The following C6orf132 variants were observed in gnomAD, a reference collection of about 807,000 sequenced individuals.
C6orf132 encodes chromosome 6 open reading frame 132.
Under a neutral mutation model 65.3 loss-of-function variants are expected in C6orf132, and 43 were observed. The ratio of observed to expected loss-of-function variants is 0.66; its 90% CI spans 0.52 to 0.85. C6orf132 has a LOEUF of 0.85. C6orf132 is among the 40% of genes least tolerant of loss of function. C6orf132 has a pLI of 0.00. For synonymous variants in C6orf132, 631 were observed against 654.1 expected (o/e 0.96, Z 0.54); for missense variants, 1,488 against 1,548.8 (o/e 0.96, Z 0.66).
Position 42,110,199 on chromosome 6 carries a change from GC to G in C6orf132, c.328+16del. 1 of 1,543,382 alleles carries G rather than the reference GC, an allele frequency of 6.5e-7. No individual in the cohort carries two copies. Among genetic ancestry groups the G allele is most frequent in the South Asian group, 1.2e-5 (1 of 83,070 alleles). ...GGAAAGAAAGATGGACAAGCCCCAA[GC>G]CCAGGGTTCACTTACCTGTCACTTC... On this transcript the variant is annotated intron_variant, in intron 3 of 4. Coordinates refer to ENST00000341865, the MANE Select transcript of C6orf132 (RefSeq NM_001164446.3).
Position 42,104,618 on chromosome 6 carries a change from G to A in C6orf132, c.3294C>T (p.Gly1098=). ...CCGAGTTCACGCGCCGCATCTCGGG[G>A]CCTCCGGGCTGCGGCCCGAAGCAGT... ...SPNCFGPQPG[G]PEMRRVNSAG... The change falls in exon 4 of 5, where the codon GGC becomes GGT. Residue 1098 remains glycine, a synonymous_variant. Transcript: ENST00000341865. The surrounding 1 kb of genome is among the most constrained non-coding windows in gnomAD (Gnocchi z 4.1). 1 of 1,370,854 alleles carries A rather than the reference G, an allele frequency of 7.3e-7. No individual in the cohort carries two copies. 84.9% of individuals were successfully genotyped at this position (1,370,854 alleles called of 1,614,324 possible).
intron 2 of C6orf132, among the ~76,000 whole-genome samples, chr6:42,119,345 T>TTG (rs1404242267): frequency 5.2e-5 from 7 of 134,030 alleles, no homozygotes; most frequent in Non-Finnish European, 1.1e-4. Flanking sequence ...TTCCAGCTTT[T>TTG]TTTTTTTTTT....
intron 1 of C6orf132, 151 bp downstream of exon 1, chr6:42,142,149 G>T: frequency 1.2e-6 from 1 of 828,342 alleles, no homozygotes; most frequent in Non-Finnish European, 1.8e-6. Flanking sequence ...ACCCCTGTGC[G>T]GTGCCTCCTC....
At chr6:42,140,066 G>A (rs1172423001) in intron 1 of C6orf132, among the ~76,000 whole-genome samples, 2 of 152,218 alleles carry the variant, frequency 1.3e-5, no homozygotes, top group Non-Finnish European at 2.9e-5. Context: ...CACGCCCAGT[G>A]GCACCCCAGG....
Position 42,103,854 on chromosome 6 carries a change from A to C in C6orf132, c.3474T>G (p.Tyr1158Ter), listed in dbSNP as rs191985168. The change falls in exon 5 of 5, where the codon TAT (tyrosine) becomes TAG (stop). Residue 1158 changes from tyrosine (Y) to a stop codon, truncating the protein, a stop_gained. Coordinates refer to ENST00000341865, the MANE Select transcript of C6orf132 (RefSeq NM_001164446.3). LOFTEE classifies it high-confidence loss of function. ...CGGTGAACGTGTTGATGGGGCTTCCATAGCGGGTGGTGGTGTAGGGAGACC... is the reference window on the plus strand; with the variant it reads ...CGGTGAACGTGTTGATGGGGCTTCCCTAGCGGGTGGTGGTGTAGGGAGACC... ...AGRSPYTTTR[Y>*]GSPINTFTVR... is the part of the protein sequence containing the mutation. 24 of 1,486,936 alleles carry C rather than the reference A, an allele frequency of 1.6e-5. No individual in the cohort carries two copies. In the Admixed American group the frequency reaches 4.7e-4, roughly 29 times the overall value. The allele number at this position is 1,486,936 out of a possible 1,614,324, so 92.1% of individuals were successfully genotyped here. A position where few individuals can be genotyped will look rare whatever the true frequency, so the allele number is the denominator to read the frequency against.
chr6:42,104,752 A>G lies in C6orf132; in HGVS notation c.3160T>C (p.Phe1054Leu). 6.6e-7 allele frequency: 1 copy of G among 1,524,082 alleles called. No individual in the cohort carries two copies. The highest frequency in any genetic ancestry group is 2.5e-5 in the East Asian group (1 of 40,262). 94.4% of individuals were successfully genotyped at this position (1,524,082 alleles called of 1,614,324 possible). A position where few individuals can be genotyped will look rare whatever the true frequency, so the allele number is the denominator to read the frequency against. The part of the protein sequence containing the change: ...RYAGAGGLER[F>L]SGGGRSLIKK... ...ATGAGCGAGCGGCCCCCTCCCGAGA[A>G]GCGCTCCAGGCCCCCAGCCCCGGCG... Residue 1054 changes from phenylalanine (F) to leucine (L), a missense_variant, in exon 4 of 5, where the codon TTC becomes CTC. Coordinates refer to ENST00000341865, the MANE Select transcript of C6orf132 (RefSeq NM_001164446.3). This position sits in a 1 kb window ranked among gnomAD's most constrained non-coding sequence, Gnocchi z 4.1.
At chr6:42,141,949 T>C (rs978083985) in intron 1 of C6orf132, among the ~76,000 whole-genome samples, 48 of 152,044 alleles carry the variant, frequency 3.2e-4, no homozygotes, top group Admixed American at 1.2e-3. Flanking sequence ...GGGGGAGATA[T>C]CGCAAACCTC....
chr6:42,122,300 G>A (rs960606001), intron 2 of C6orf132, among the ~76,000 whole-genome samples: 1 of 152,188 alleles, frequency 6.6e-6, no homozygotes, highest in African/African-American at 2.4e-5. Context: ...AAGGGGACAT[G>A]CCCTCAGAGG....
In C6orf132 at chr6:42,128,630, G is replaced by T. The variant is rs144688604; in HGVS notation, c.252+42C>A. 6.2e-4 allele frequency: 922 copies of T among 1,485,074 alleles called. 12 individuals are homozygous for T. In the East Asian group the frequency reaches 0.019, roughly 31 times the overall value. The allele number at this position is 1,485,074 out of a possible 1,614,324, so 92.0% of individuals were successfully genotyped here. On this transcript the variant is annotated intron_variant, in intron 2 of 4. Transcript: ENST00000341865. ...GGCTAGGGCAGCCTTGGTGTCCCCA[G>T]CCAGAGCAGACTCTCCAACCTCAGA...
At chr6:42,127,434 C>G (rs990746248) in intron 2 of C6orf132, among the ~76,000 whole-genome samples, 1 of 152,068 alleles carries the variant, frequency 6.6e-6, no homozygotes, top group African/African-American at 2.4e-5. Context: ...CATCTAGAAT[C>G]TTAGGTCTGA....
chr6:42,107,151 C>T lies in C6orf132; in HGVS notation c.761G>A (p.Gly254Asp), dbSNP rs1401352211. The T allele has an allele frequency of 2.1e-6, 3 of 1,432,702 alleles. No individual in the cohort carries two copies. The highest frequency in any genetic ancestry group is 2.7e-6 in the Non-Finnish European group (3 of 1,096,524). The allele number at this position is 1,432,702 out of a possible 1,614,324, so 88.7% of individuals were successfully genotyped here. Reference sequence around the variant, plus strand: ...TACATCTGATTTCCACTTGGTGACACCCCCAGGGGGAAAGAGACGAGTCCC... The same window carrying T: ...TACATCTGATTTCCACTTGGTGACATCCCCAGGGGGAAAGAGACGAGTCCC... Reference protein sequence around the residue: ...TVGTRLFPPGGVTKWKSDVAL... With the variant: ...TVGTRLFPPGDVTKWKSDVAL... Residue 254 changes from glycine (G) to aspartate (D), a missense_variant, in exon 4 of 5, where the codon GGT (glycine) becomes GAT (aspartate). Gly to Asp is a moderately conservative substitution (Grantham distance 94). Coordinates refer to ENST00000341865, the MANE Select transcript of C6orf132 (RefSeq NM_001164446.3).
chr6:42,113,045 A>G (rs1766516904), intron 2 of C6orf132, among the ~76,000 whole-genome samples: 1 of 151,982 alleles, frequency 6.6e-6, no homozygotes, highest in Admixed American at 6.6e-5. Flanking sequence ...AACTTTTCTC[A>G]AACCCAGTGA....
intron 2 of C6orf132, among the ~76,000 whole-genome samples, chr6:42,119,154 AATCGCT>A (rs1766636353): frequency 1.4e-5 from 2 of 145,682 alleles, no homozygotes; most frequent in African/African-American, 5.0e-5. Flanking sequence ...GAGGCAGGAG[AATCGCT>A]ATCACTTGAA....
At chr6:42,126,309 G>A (rs1766763774) in intron 2 of C6orf132, 1 of 151,310 alleles carries the variant, frequency 6.6e-6, no homozygotes, top group Non-Finnish European at 1.5e-5. Flanking sequence ...TTGAACTCCT[G>A]ACCTCATGAT....
intron 1 of C6orf132, among the ~76,000 whole-genome samples, chr6:42,137,842 CGGG>C (rs1766969620): frequency 1.3e-4 from 4 of 30,898 alleles, no homozygotes; most frequent in Non-Finnish European, 2.7e-4. Context: ...CGGGGCGGGG[CGGG>C]GGAGGTGGAT....
intron 3 of C6orf132, among the ~76,000 whole-genome samples, chr6:42,109,644 G>A (rs1355661727): frequency 6.6e-6 from 1 of 152,110 alleles, no homozygotes; most frequent in Non-Finnish European, 1.5e-5. Context: ...CCGGGGCAGT[G>A]TGGGAGGGGA....
chr6:42,109,430 C>CAAATAAATAAATAAATAAATAAAT (rs369701799), intron 3 of C6orf132, among the ~76,000 whole-genome samples: 35 of 151,158 alleles, frequency 2.3e-4, no homozygotes, highest in African/African-American at 8.0e-4. Flanking sequence ...GACTCCATCT[C>CAAATAAATAAATAAATAAATAAAT]AAATAAATAA....
chr6:42,120,579 A>G (rs1766665475), intron 2 of C6orf132, among the ~76,000 whole-genome samples: 1 of 106,910 alleles, frequency 9.4e-6, no homozygotes, highest in African/African-American at 3.5e-5. Context: ...TGTTTCCTTT[A>G]TAATTAAAAA....
chr6:42,115,654 A>T (rs573410337), intron 2 of C6orf132, among the ~76,000 whole-genome samples: 196 of 152,320 alleles, frequency 1.3e-3, no homozygotes, highest in African/African-American at 4.3e-3. Context: ...TCAAAAAAAT[A>T]AAATAAATAA....
Sources: gnomAD v4.1 joint callset for allele counts (sites outside exome capture counted in the v4.1 genomes callset) on GRCh38, gnomAD v4.1.1 for gene constraint, Gnocchi (gnomAD v3.1) non-coding constraint, MANE v1.5 for transcripts, NCBI Gene and HGNC (gene_info 2026-07-23, HGNC 2026-07-21) for gene names.